SSX2IP: variants seen among roughly 807,000 people sequenced by gnomAD.
SSX2IP encodes the protein SSX family member 2 interacting protein.
Under a neutral mutation model 84.9 loss-of-function variants are expected in SSX2IP, and 55 were observed. The ratio of observed to expected loss-of-function variants is 0.65; its 90% CI spans 0.52 to 0.81. SSX2IP has a LOEUF of 0.81. SSX2IP is among the 30% of genes least tolerant of loss of function. SSX2IP has a pLI of 0.00. For missense variants in SSX2IP, 664 were observed against 705.2 expected (o/e 0.94, Z 0.66); for synonymous variants, 239 against 234.7 (o/e 1.02, Z -0.17).
At chr1:84,662,654 A>G (rs1652196835) in intron 6 of SSX2IP, 124 bp from the exon 7 acceptor site, 1 of 971,352 alleles carries the variant, frequency 1.0e-6, no homozygotes, top group Non-Finnish European at 1.5e-6. Context: ...TTTGGGCTTA[A>G]ACAGCCTAAT....
intron 5 of SSX2IP, 129 bp downstream of exon 5, chr1:84,665,993 A>C: frequency 1.5e-6 from 1 of 686,528 alleles, no homozygotes; most frequent in Non-Finnish European, 2.4e-6. Context: ...AAGGTCCACC[A>C]TATCAATTTG....
At position 84,671,189 on chromosome 1, in the gene SSX2IP, C is replaced by T; in HGVS notation, c.31G>A (p.Gly11Ser). ...TAGACTTAATTACCTGAAGACAGAC[C>T]TGGATCTGTAACAGTCATCCAATCT... MGDWMTVTDP[G>S]LSSESKTISQ... Residue 11 changes from glycine (G) to serine (S), a missense_variant, in exon 2 of 14, where the codon GGT (glycine) becomes AGT (serine). Physicochemically the swap from Gly to Ser is moderately conservative, Grantham distance 56 (BLOSUM62 0). Transcript: ENST00000342203. 1 of 1,611,348 alleles carries T rather than the reference C, an allele frequency of 6.2e-7. No homozygotes were observed. Among genetic ancestry groups the T allele is most frequent in the Non-Finnish European group, 8.5e-7 (1 of 1,178,606 alleles).
chr1:84,655,527 G>GATGA, intron 11 of SSX2IP: 1 of 1,346,516 alleles, frequency 7.4e-7, no homozygotes, highest in Non-Finnish European at 9.7e-7. Flanking sequence ...ACTGACCGTG[G>GATGA]ATGAATGATG....
At chr1:84,689,607 T>C (rs1656295968) in intron 1 of SSX2IP, among the ~76,000 whole-genome samples, 1 of 152,294 alleles carries the variant, frequency 6.6e-6, no homozygotes, top group South Asian at 2.1e-4. Context: ...TGGGTAATAA[T>C]CTAAAAATTC....
intron 4 of SSX2IP, among the ~76,000 whole-genome samples, chr1:84,666,617 T>C (rs1364304829): frequency 6.6e-6 from 1 of 152,042 alleles, no homozygotes; most frequent in Non-Finnish European, 1.5e-5. Context: ...CCTTCGAGAG[T>C]ATACTTGGCT....
intron 1 of SSX2IP, among the ~76,000 whole-genome samples, chr1:84,673,516 G>A (rs139851662): frequency 6.6e-6 from 1 of 152,332 alleles, no homozygotes; most frequent in Non-Finnish European, 1.5e-5. Flanking sequence ...CTTGTAGGTA[G>A]GAAAGTAGCA....
intron 1 of SSX2IP, among the ~76,000 whole-genome samples, chr1:84,685,781 G>A (rs1199518658): frequency 6.6e-6 from 1 of 152,146 alleles, no homozygotes; most frequent in African/African-American, 2.4e-5. Context: ...CTATGATGTT[G>A]GCTTGCTTTT....
chr1:84,670,549 C>A (rs953245822), intron 3 of SSX2IP, 97 bp downstream of exon 3: 1 of 878,908 alleles, frequency 1.1e-6, no homozygotes. Context: ...ACTACATAAA[C>A]AACAAACTTG....
intron 1 of SSX2IP, among the ~76,000 whole-genome samples, chr1:84,682,631 A>G (rs1655237282): frequency 6.6e-6 from 1 of 151,408 alleles, no homozygotes; most frequent in South Asian, 2.1e-4. Flanking sequence ...TGACCTCCCG[A>G]GTAGCTGGGA....
chr1:84,671,731 T>TA (rs1409963766), intron 1 of SSX2IP, among the ~76,000 whole-genome samples: 1 of 152,230 alleles, frequency 6.6e-6, no homozygotes, highest in East Asian at 1.9e-4. Context: ...ACTTGTAAAT[T>TA]ACAATTCCCA....
At chr1:84,686,607 C>T (rs1425669447) in intron 1 of SSX2IP, among the ~76,000 whole-genome samples, 1 of 151,902 alleles carries the variant, frequency 6.6e-6, no homozygotes, top group Non-Finnish European at 1.5e-5. Context: ...TAGATGAATT[C>T]ATAAAGAAAA....
intron 1 of SSX2IP, among the ~76,000 whole-genome samples, chr1:84,672,160 G>GA (rs542439995): frequency 5.7e-4 from 87 of 152,198 alleles, no homozygotes; most frequent in African/African-American, 1.8e-3. Context: ...TCCATCATAA[G>GA]AAAAACAATT....
At chr1:84,661,090 T>C (rs1651912072) in intron 8 of SSX2IP, among the ~76,000 whole-genome samples, 1 of 141,812 alleles carries the variant, frequency 7.1e-6, no homozygotes. Flanking sequence ...AAAAAAAAAA[T>C]TTAGGTAATT....
At position 84,655,951 on chromosome 1, in the gene SSX2IP, AAC is replaced by A; in HGVS notation, c.1268_1269del (p.Cys423LeufsTer17). ...AGACGTTCCTTTTCTTCCAACAAATAACAGTCTCGTAATAGTGAAGTGGTATC... is the reference window on the plus strand; with the variant it reads ...AGACGTTCCTTTTCTTCCAACAAATAAGTCTCGTAATAGTGAAGTGGTATC... ...DDDTTSLLRDCYLLEEKERLK... is the reference protein window; with the variant it reads ...DDDTTSLLRDXYLLEEKERLK... On this transcript the variant is annotated frameshift_variant, in exon 11 of 14. Transcript: ENST00000342203. LOFTEE classifies it high-confidence loss of function. 6.2e-7 allele frequency: 1 copy of A among 1,613,786 alleles called. No homozygotes were observed. The highest frequency in any genetic ancestry group is 2.2e-5 in the East Asian group (1 of 44,872).
At chr1:84,662,816 C>T (rs1039997704) in intron 6 of SSX2IP, among the ~76,000 whole-genome samples, 3 of 152,178 alleles carry the variant, frequency 2.0e-5, no homozygotes, top group African/African-American at 7.2e-5. Context: ...AAGCACCCAA[C>T]ACAGTAGAGT....
Position 84,647,626 on chromosome 1 carries a change from C to T in SSX2IP, c.1671-19G>A. The T allele has an allele frequency of 6.6e-7, 1 of 1,526,256 alleles. No homozygotes were observed. The highest frequency in any genetic ancestry group is 1.3e-5 in the South Asian group (1 of 76,336). The allele number at this position is 1,526,256 out of a possible 1,614,324, so 94.5% of individuals were successfully genotyped here. A position where few individuals can be genotyped will look rare whatever the true frequency, so the allele number is the denominator to read the frequency against. ...GATTGAACTGTTGGGAAAAGAAAGG[C>T]AGATCTTAGTGACTATCCTCTCCTT... On this transcript the variant is annotated intron_variant, in intron 13 of 13. Transcript: ENST00000342203.
rs772665271 is a variant in SSX2IP, at chr1:84,662,350, G to T, written c.775C>A (p.Leu259Ile). ...ARNEDEMYKI[L>I]LNDYEYRQKQ... ...TGACGATATTCATAATCATTCAAGA[G>T]AATTTTATACATTTCATCTTCATTC... Residue 259 changes from leucine to isoleucine, a missense_variant, in exon 8 of 14, where the codon CTC becomes ATC. Leu to Ile is a conservative substitution (Grantham distance 5). Transcript: ENST00000342203. The T allele has an allele frequency of 1.2e-6, 2 of 1,608,004 alleles. No homozygotes were observed. Among genetic ancestry groups the T allele is most frequent in the Non-Finnish European group, 1.7e-6 (2 of 1,177,932 alleles).
intron 1 of SSX2IP, among the ~76,000 whole-genome samples, chr1:84,679,962 A>T (rs1654859126): frequency 6.6e-6 from 1 of 152,186 alleles, no homozygotes; most frequent in African/African-American, 2.4e-5. Context: ...TAACCATCAC[A>T]TATTGTTGCT....
chr1:84,686,207 C>G (rs1655765094), intron 1 of SSX2IP, among the ~76,000 whole-genome samples: 1 of 151,976 alleles, frequency 6.6e-6, no homozygotes, highest in African/African-American at 2.4e-5. Context: ...TTACAAAAAG[C>G]ATACAATACT....
Sources: allele counts gnomAD v4.1 joint callset (sites outside exome capture counted in the v4.1 genomes callset), GRCh38; gene constraint gnomAD v4.1.1; transcripts MANE v1.5; gene names NCBI Gene and HGNC (gene_info 2026-07-23, HGNC 2026-07-21).